ASAP2: variants seen among roughly 807,000 people sequenced by gnomAD.
The protein encoded by ASAP2 is arf-GAP with SH3 domain, ANK repeat and PH domain-containing protein 2.
Under a neutral mutation model 131.4 loss-of-function variants are expected in ASAP2, and 45 were observed. The observed-to-expected ratio is 0.34, with a 90% CI of 0.27 to 0.44. The LOEUF is 0.44. Among genes scored for constraint, ASAP2 ranks in the 20% least tolerant of loss-of-function variants. The pLI is 1.00. For synonymous variants in ASAP2, 510 were observed against 503.0 expected, an observed-to-expected ratio of 1.01 and a Z score of -0.19; for missense variants, 1,011 against 1,297.0, an observed-to-expected ratio of 0.78 and a Z score of 3.39.
chr2:9,401,721 G>A (rs377305971), intron 27 of ASAP2, among the ~76,000 whole-genome samples: 4 of 152,206 alleles, frequency 2.6e-5, no homozygotes, highest in East Asian at 1.9e-4. Flanking sequence ...TAGTGGAATC[G>A]GGTGTCTGGA....
chr2:9,207,064 G>GCGC lies in ASAP2; in HGVS notation c.-39_-37dup, dbSNP rs1661158929. On this transcript the variant is annotated 5_prime_UTR_variant, in exon 1 of 28. Coordinates refer to ENST00000281419, the MANE Select transcript of ASAP2 (RefSeq NM_003887.3). The surrounding 1 kb of genome is among the most constrained non-coding windows in gnomAD (Gnocchi z 4.1). ...GCCTGCTGCGGCAGTTGAGGCGGCGGCGCCCCTGCGGCTGTGCGCCAGCGC... is the reference window on the plus strand; with the variant it reads ...GCCTGCTGCGGCAGTTGAGGCGGCGGCGCCGCCCCTGCGGCTGTGCGCCAGCGC... The GCGC allele has an allele frequency of 1.2e-5, 17 of 1,465,108 alleles. No homozygotes were observed. The highest frequency in any genetic ancestry group is 1.5e-5 in the Non-Finnish European group (17 of 1,101,552). 90.8% of individuals were successfully genotyped at this position (1,465,108 alleles called of 1,614,324 possible).
At chr2:9,214,888 C>T (rs1558239738) in intron 1 of ASAP2, among the ~76,000 whole-genome samples, 3 of 152,052 alleles carry the variant, frequency 2.0e-5, no homozygotes, top group Admixed American at 2.0e-4. Context: ...CTTGTTTGTG[C>T]CATGGCTCCC....
At chr2:9,347,363 G>A (rs1672035542) in intron 11 of ASAP2, among the ~76,000 whole-genome samples, 2 of 152,132 alleles carry the variant, frequency 1.3e-5, no homozygotes, top group Non-Finnish European at 2.9e-5. Flanking sequence ...GTTTGGTTTG[G>A]TTTTGACTTG....
intron 2 of ASAP2, among the ~76,000 whole-genome samples, chr2:9,295,625 A>T (rs1347451791): frequency 6.6e-6 from 1 of 152,190 alleles, no homozygotes; most frequent in Non-Finnish European, 1.5e-5. Context: ...AGATCTTCTG[A>T]GGGCTCCTGA....
chr2:9,213,539 G>A (rs1362068634), intron 1 of ASAP2, among the ~76,000 whole-genome samples: 1 of 152,150 alleles, frequency 6.6e-6, no homozygotes, highest in African/African-American at 2.4e-5. Context: ...GGGCATGAAA[G>A]GAAAGAGGGA....
At chr2:9,359,922 G>A (rs1476964246) in intron 15 of ASAP2, among the ~76,000 whole-genome samples, 2 of 152,182 alleles carry the variant, frequency 1.3e-5, no homozygotes, top group Non-Finnish European at 2.9e-5. Context: ...AACTAAGCTA[G>A]ACTCACTTAA....
chr2:9,239,730 T>A (rs1663810410), intron 1 of ASAP2, among the ~76,000 whole-genome samples: 1 of 152,048 alleles, frequency 6.6e-6, no homozygotes, highest in Non-Finnish European at 1.5e-5. Context: ...AATGGCAGCA[T>A]CTTTTTTTTT....
intron 3 of ASAP2, among the ~76,000 whole-genome samples, chr2:9,303,987 G>A (rs1475650160): frequency 6.6e-6 from 1 of 152,232 alleles, no homozygotes; most frequent in Non-Finnish European, 1.5e-5. Context: ...GGTGACCTCT[G>A]GCAACTCCTG....
At chr2:9,214,527 G>A (rs1253987586) in intron 1 of ASAP2, among the ~76,000 whole-genome samples, 1 of 151,762 alleles carries the variant, frequency 6.6e-6, no homozygotes, top group Non-Finnish European at 1.5e-5. Context: ...GGCGTGAGCC[G>A]CTGCGCCCGG....
At chr2:9,317,416 C>T (rs1388739416) in intron 3 of ASAP2, among the ~76,000 whole-genome samples, 1 of 128,114 alleles carries the variant, frequency 7.8e-6, no homozygotes, top group East Asian at 2.3e-4. Flanking sequence ...ACACATGCTC[C>T]CTCACACACC....
chr2:9,222,636 C>G (rs1662504045), intron 1 of ASAP2, among the ~76,000 whole-genome samples: 1 of 152,166 alleles, frequency 6.6e-6, no homozygotes, highest in African/African-American at 2.4e-5. Flanking sequence ...GGTGTGTTTA[C>G]TACTGGAGCA....
chr2:9,366,782 A>G (rs370228017), intron 15 of ASAP2, among the ~76,000 whole-genome samples: 208 of 152,290 alleles, frequency 1.4e-3, no homozygotes, highest in Middle Eastern at 0.01. Flanking sequence ...GAATTAGGAA[A>G]GCTCATCATC....
At chr2:9,334,660 A>G in intron 7 of ASAP2, 78 bp from the exon 8 acceptor site, 1 of 1,349,766 alleles carries the variant, frequency 7.4e-7, no homozygotes, top group East Asian at 2.3e-5. Context: ...AGTCACTTTA[A>G]AGAAGTTTTT....
chr2:9,307,762 G>A (rs1197903960), intron 3 of ASAP2, among the ~76,000 whole-genome samples: 4 of 152,244 alleles, frequency 2.6e-5, no homozygotes, highest in Non-Finnish European at 4.4e-5. Flanking sequence ...AGTTGCCAAT[G>A]TGTTTTTGGC....
intron 2 of ASAP2, among the ~76,000 whole-genome samples, chr2:9,291,067 C>T (rs1396901185): frequency 6.6e-6 from 1 of 152,168 alleles, no homozygotes; most frequent in East Asian, 1.9e-4. Context: ...CTTTCTGCTC[C>T]TACCATATTC....
intron 1 of ASAP2, among the ~76,000 whole-genome samples, chr2:9,272,421 T>C (rs114001078): frequency 6.6e-6 from 1 of 151,284 alleles, no homozygotes; most frequent in Non-Finnish European, 1.5e-5. Flanking sequence ...TTTTTTCCTA[T>C]AGAGTTGTTT....
intron 3 of ASAP2, among the ~76,000 whole-genome samples, chr2:9,308,250 A>G (rs1413459476): frequency 6.6e-6 from 1 of 152,188 alleles, no homozygotes; most frequent in Non-Finnish European, 1.5e-5. Context: ...ACTTACAATC[A>G]TGGCAGAAGG....
At chr2:9,262,514 C>T (rs924000836) in intron 1 of ASAP2, among the ~76,000 whole-genome samples, 1 of 152,110 alleles carries the variant, frequency 6.6e-6, no homozygotes, top group East Asian at 1.9e-4. Flanking sequence ...AGGTGGAGTC[C>T]GTTTTTGAGG....
intron 9 of ASAP2, among the ~76,000 whole-genome samples, chr2:9,340,320 C>T (rs1320888410): frequency 6.6e-6 from 1 of 152,208 alleles, no homozygotes; most frequent in Non-Finnish European, 1.5e-5. Flanking sequence ...CGCGCCCGGC[C>T]AGCCATGTCT....
Sources: gnomAD v4.1 joint callset for allele counts (sites outside exome capture counted in the v4.1 genomes callset) on GRCh38, gnomAD v4.1.1 for gene constraint, Gnocchi (gnomAD v3.1) non-coding constraint, MANE v1.5 for transcripts, NCBI Gene and HGNC (gene_info 2026-07-23, HGNC 2026-07-21) for gene names.